The following LRGUK variants were observed in gnomAD, a reference collection of about 807,000 sequenced individuals.
The protein encoded by LRGUK is leucine-rich repeat and guanylate kinase domain-containing protein.
Under a neutral mutation model 76.0 loss-of-function variants are expected in LRGUK, and 65 were observed. The ratio of observed to expected loss-of-function variants is 0.85; its 90% confidence interval spans 0.70 to 1.05. The LOEUF is 1.05. Ranked by LOEUF, LRGUK falls within the 50% of genes least tolerant of loss-of-function variation. The probability of loss-of-function intolerance (pLI) is 0.00; values close to 1 mark genes in which losing one functional copy is unlikely to be tolerated. For missense variants in LRGUK, 758 were observed against 732.8 expected, an observed-to-expected ratio of 1.03 and a Z score of -0.40; for synonymous variants, 268 against 265.6, an observed-to-expected ratio of 1.01 and a Z score of -0.09.
chr7:134,224,769 T>C (rs1037515819), intron 16 of LRGUK, among the ~76,000 whole-genome samples: 9 of 151,942 alleles, frequency 5.9e-5, no homozygotes, highest in African/African-American at 1.9e-4. Flanking sequence ...AGAGTGCTGG[T>C]TGGCTGGGCG....
chr7:134,134,553 G>A (rs538239167), intron 1 of LRGUK, among the ~76,000 whole-genome samples: 4 of 152,164 alleles, frequency 2.6e-5, no homozygotes, highest in Non-Finnish European at 4.4e-5. Context: ...AAGGAAAAAT[G>A]GGGACAGCGT....
intron 1 of LRGUK, among the ~76,000 whole-genome samples, chr7:134,132,151 A>G (rs150453695): frequency 1.3e-4 from 20 of 152,288 alleles, no homozygotes; most frequent in African/African-American, 4.8e-4. Flanking sequence ...GTTTGAGACC[A>G]GTCTAGGTAA....
At chr7:134,222,747 T>A (rs1402036700) in intron 16 of LRGUK, among the ~76,000 whole-genome samples, 1 of 152,144 alleles carries the variant, frequency 6.6e-6, no homozygotes, top group African/African-American at 2.4e-5. Context: ...TAGCTGGGAT[T>A]ACAGGCATGC....
Position 134,155,614 on chromosome 7 carries a change from C to G in LRGUK, c.671-2421C>G, listed in dbSNP as rs185522744. On this transcript the variant is annotated intron_variant, in intron 5 of 15. Coordinates refer to ENST00000645682, the Ensembl canonical transcript of LRGUK. ...AATTTTCCATTTCTGTGCTATTGACCAAGAGGTAGAGGACGTGCTTCCTTG... is the reference window on the plus strand; with the variant it reads ...AATTTTCCATTTCTGTGCTATTGACGAAGAGGTAGAGGACGTGCTTCCTTG... Among the ~76,000 whole-genome samples the G allele has an allele frequency of 2.0e-3, 312 of 152,206 alleles. 1 individual carries two copies. Among genetic ancestry groups the G allele is most frequent in the Non-Finnish European group, 3.5e-3 (235 of 67,994 alleles).
At chr7:134,129,165 TC>T (rs1797169034) in intron 1 of LRGUK, among the ~76,000 whole-genome samples, 2 of 115,968 alleles carry the variant, frequency 1.7e-5, no homozygotes, top group South Asian at 7.6e-4. Context: ...TTTCTTTCTT[TC>T]TTTCGTTTTT....
intron 11 of LRGUK, among the ~76,000 whole-genome samples, chr7:134,188,950 T>C (rs1800086807): frequency 6.6e-6 from 1 of 152,222 alleles, no homozygotes; most frequent in Non-Finnish European, 1.5e-5. Flanking sequence ...CTAGCTCTTC[T>C]TAGATATCTT....
At chr7:134,259,142 AG>A (rs1334366853) in intron 19 of LRGUK, among the ~76,000 whole-genome samples, 1 of 152,202 alleles carries the variant, frequency 6.6e-6, no homozygotes, top group Non-Finnish European at 1.5e-5. Flanking sequence ...GATCTGGCCC[AG>A]CCCCGCTTCA....
chr7:134,157,953 C>T lies in LRGUK; in HGVS notation c.671-82C>T, dbSNP rs566294173. The T allele has an allele frequency of 4.1e-4, 509 of 1,244,468 alleles. 1 individual carries two copies. The highest frequency in any genetic ancestry group is 3.5e-3 in the Middle Eastern group (17 of 4,822). The allele number at this position is 1,244,468 out of a possible 1,614,324, so 77.1% of individuals were successfully genotyped here. On this transcript the variant is annotated intron_variant, in intron 5 of 15. Coordinates refer to ENST00000645682, the Ensembl canonical transcript of LRGUK. ...TTATTTAAGCTGTGGTCTGCTTTGT[C>T]TAGTGATGATTTAACACTGATTCTT...
chr7:134,228,070 A>G (rs1487917326), intron 16 of LRGUK, among the ~76,000 whole-genome samples: 1 of 152,196 alleles, frequency 6.6e-6, no homozygotes, highest in Non-Finnish European at 1.5e-5. Flanking sequence ...ATCATATTGT[A>G]CTAAAATTAA....
chr7:134,145,688 G>C (rs1797940256), intron 4 of LRGUK, among the ~76,000 whole-genome samples: 1 of 152,170 alleles, frequency 6.6e-6, no homozygotes, highest in South Asian at 2.1e-4. Flanking sequence ...TGAACCCACT[G>C]TCTGAGACCC....
chr7:134,203,413 T>G (rs528840201), intron 15 of LRGUK, among the ~76,000 whole-genome samples: 2 of 152,272 alleles, frequency 1.3e-5, no homozygotes. Flanking sequence ...GTTTACCAGG[T>G]TGCATCCTGG....
intron 18 of LRGUK, among the ~76,000 whole-genome samples, chr7:134,257,682 T>C: frequency 6.6e-6 from 1 of 152,052 alleles, no homozygotes. Context: ...TGCATGCCTG[T>C]GGTCCCAGCT....
At chr7:134,220,157 A>G (rs73441366) in intron 15 of LRGUK, among the ~76,000 whole-genome samples, 16,185 of 152,174 alleles carry the variant, frequency 0.11, 2,147 homozygotes, top group African/African-American at 0.31. Context: ...ATGTTTCTGC[A>G]TACAGTTGTC....
At chr7:134,170,265 T>G (rs1458600550) in intron 7 of LRGUK, among the ~76,000 whole-genome samples, 1 of 152,090 alleles carries the variant, frequency 6.6e-6, no homozygotes, top group Non-Finnish European at 1.5e-5. Flanking sequence ...ATGAAGTCTA[T>G]CAATATTTTT....
intron 15 of LRGUK, among the ~76,000 whole-genome samples, chr7:134,220,016 A>C (rs1801544492): frequency 6.6e-6 from 1 of 152,108 alleles, no homozygotes. Context: ...CCAATATTAG[A>C]ATGTAATCCC....
chr7:134,259,074 T>C (rs554453808), intron 19 of LRGUK, among the ~76,000 whole-genome samples: 1 of 152,192 alleles, frequency 6.6e-6, no homozygotes, highest in East Asian at 1.9e-4. Context: ...GGCTTTGAGT[T>C]GCAGTCCAGT....
At chr7:134,217,238 C>T (rs1278644577) in intron 15 of LRGUK, among the ~76,000 whole-genome samples, 1 of 151,114 alleles carries the variant, frequency 6.6e-6, no homozygotes, top group African/African-American at 2.4e-5. Flanking sequence ...AAATATTGAC[C>T]CATTAGTTCA....
chr7:134,200,792 ACACCCATTTATTAATT>A, intron 14 of LRGUK, among the ~76,000 whole-genome samples: 1 of 152,204 alleles, frequency 6.6e-6, no homozygotes, highest in East Asian at 1.9e-4. Context: ...TCTTAAAGCA[ACACCCATTTATTAATT>A]CACAGTTTCG....
intron 16 of LRGUK, among the ~76,000 whole-genome samples, chr7:134,245,959 C>T (rs1460623303): frequency 6.6e-6 from 1 of 152,102 alleles, no homozygotes; most frequent in African/African-American, 2.4e-5. Context: ...TCATTACATC[C>T]TCCCCTGACT....
Sources: allele counts gnomAD v4.1 joint callset (sites outside exome capture counted in the v4.1 genomes callset), GRCh38; gene constraint gnomAD v4.1.1; transcripts MANE v1.5; gene names NCBI Gene and HGNC (gene_info 2026-07-23, HGNC 2026-07-21).